The following PTPRD variants were observed in gnomAD, a reference collection of about 807,000 sequenced individuals.
PTPRD encodes protein tyrosine phosphatase receptor type D.
PTPRD carries 34 observed loss-of-function variants against 214.5 expected under a neutral mutation model. That is an observed-to-expected ratio of 0.16 (90% confidence interval 0.12 to 0.21). PTPRD has a LOEUF of 0.21. Ranked by LOEUF, PTPRD falls within the 10% of genes least tolerant of loss-of-function variation. The pLI, the probability that PTPRD is intolerant of heterozygous loss-of-function variation, is 1.00. For missense variants in PTPRD, 2,545 were observed against 2,398.7 expected, an observed-to-expected ratio of 1.06 and a Z score of -1.27; for synonymous variants, 1,128 against 845.7, an observed-to-expected ratio of 1.33 and a Z score of -5.79.
chr9:10,539,914 CATT>C (rs1200014561), intron 2 of PTPRD, among the ~76,000 whole-genome samples: 5 of 152,172 alleles, frequency 3.3e-5, no homozygotes, highest in African/African-American at 4.8e-5. Flanking sequence ...CAACAACAAT[CATT>C]ATTATCATTG....
At chr9:8,379,900 G>C (rs1482599422) in intron 37 of PTPRD, among the ~76,000 whole-genome samples, 2 of 152,090 alleles carry the variant, frequency 1.3e-5, no homozygotes, top group Non-Finnish European at 2.9e-5. Context: ...TTGTTTCTCT[G>C]TTTCCAGGAC....
chr9:8,528,536 A>C, intron 15 of PTPRD, 55 bp downstream of exon 15: 1 of 1,469,796 alleles, frequency 6.8e-7, no homozygotes. Context: ...AGGAGAGAGA[A>C]AAATTAAAAA....
intron 12 of PTPRD, among the ~76,000 whole-genome samples, chr9:8,716,946 G>C (rs914013737): frequency 3.9e-5 from 6 of 152,194 alleles, no homozygotes; most frequent in Non-Finnish European, 7.4e-5. Context: ...GGAGCAAATA[G>C]CTTAAGCCCA....
chr9:10,035,561 T>A (rs1023816788), intron 3 of PTPRD, among the ~76,000 whole-genome samples: 1 of 152,064 alleles, frequency 6.6e-6, no homozygotes, highest in Non-Finnish European at 1.5e-5. Context: ...TTTTTTATAG[T>A]TTTAGGTTTT....
chr9:10,158,152 G>A (rs1262838405), intron 3 of PTPRD, among the ~76,000 whole-genome samples: 1 of 151,858 alleles, frequency 6.6e-6, no homozygotes, highest in Non-Finnish European at 1.5e-5. Flanking sequence ...GGGATTACAG[G>A]TGCCCCCACC....
intron 10 of PTPRD, among the ~76,000 whole-genome samples, chr9:9,167,190 C>T (rs1178782576): frequency 3.3e-5 from 5 of 151,316 alleles, no homozygotes; most frequent in African/African-American, 9.7e-5. Flanking sequence ...TTTAAATGCC[C>T]GTCATCCCTA....
At chr9:9,041,719 C>A (rs1027835641) in intron 10 of PTPRD, among the ~76,000 whole-genome samples, 13 of 152,140 alleles carry the variant, frequency 8.5e-5, no homozygotes, top group Admixed American at 4.6e-4. Flanking sequence ...CACTGGAAGG[C>A]ATCTCTAAAA....
chr9:10,512,232 A>G (rs1161081117), intron 2 of PTPRD, among the ~76,000 whole-genome samples: 1 of 151,854 alleles, frequency 6.6e-6, no homozygotes, highest in African/African-American at 2.4e-5. Flanking sequence ...AAAGGATGTC[A>G]AGACAAATTA....
intron 10 of PTPRD, among the ~76,000 whole-genome samples, chr9:9,154,635 T>C (rs1275390651): frequency 1.3e-5 from 2 of 152,198 alleles, no homozygotes; most frequent in Non-Finnish European, 2.9e-5. Context: ...CGATAGTAGT[T>C]ATAAAACATT....
Position 8,969,108 on chromosome 9 carries a change from C to T in PTPRD, c.-104+49589G>A, listed in dbSNP as rs541687889. ...ACTCCTCCTCCTCATCCCATTCCTC[C>T]CTCTAAAACCATTTATAATGAAATG... On this transcript the variant is annotated intron_variant, in intron 11 of 45. Coordinates refer to ENST00000381196, the MANE Select transcript of PTPRD (RefSeq NM_002839.4). Among the ~76,000 whole-genome samples the T allele has an allele frequency of 2.3e-4, 35 of 152,158 alleles. No individual in the cohort carries two copies. In the South Asian group the frequency reaches 6.2e-3, roughly 27 times the overall value.
intron 3 of PTPRD, among the ~76,000 whole-genome samples, chr9:10,182,928 C>T (rs1041942640): frequency 7.9e-5 from 12 of 152,264 alleles, no homozygotes; most frequent in African/African-American, 2.6e-4. Context: ...CAGAAACAGG[C>T]TCTCAACCAA....
At chr9:8,863,656 T>A (rs541999012) in intron 11 of PTPRD, among the ~76,000 whole-genome samples, 1 of 152,302 alleles carries the variant, frequency 6.6e-6, no homozygotes, top group African/African-American at 2.4e-5. Flanking sequence ...AGGCCACCTA[T>A]CTTTACATTT....
chr9:9,910,803 T>C (rs1046784292), intron 5 of PTPRD, among the ~76,000 whole-genome samples: 2 of 152,026 alleles, frequency 1.3e-5, no homozygotes, highest in East Asian at 1.9e-4. Flanking sequence ...TGTGAAGTCA[T>C]GAGACTCCTA....
At chr9:8,932,391 T>C (rs1422882202) in intron 11 of PTPRD, among the ~76,000 whole-genome samples, 1 of 152,170 alleles carries the variant, frequency 6.6e-6, no homozygotes, top group East Asian at 1.9e-4. Context: ...ACAATATCTT[T>C]GTTTCTGCCT....
rs1436531732 is a variant in PTPRD at position 8,331,726 on chromosome 9, G to T, written c.5390C>A (p.Ser1797Tyr). 2 of 1,600,100 alleles carry T rather than the reference G, an allele frequency of 1.2e-6. No homozygotes were observed. The highest frequency in any genetic ancestry group is 2.3e-5 in the East Asian group (1 of 44,394). Reference protein sequence around the residue: ...FKVTDARDGQSRTVRQFQFTD... With the variant: ...FKVTDARDGQYRTVRQFQFTD... ...GAACTGGAACTGCCTTACTGTTCGG[G>T]ACTGGCCGTCCTTTAGAAGGAAAGC... The change falls in exon 44 of 46, where the codon TCC (serine) becomes TAC (tyrosine). Residue 1797 changes from serine (S) to tyrosine (Y), a missense_variant. By Grantham distance (144) the Ser-to-Tyr change is moderately radical. Transcript: ENST00000381196.
intron 4 of PTPRD, among the ~76,000 whole-genome samples, chr9:9,998,653 T>A (rs2096232515): frequency 6.6e-6 from 1 of 152,030 alleles, no homozygotes; most frequent in African/African-American, 2.4e-5. Context: ...CTAGGGGAGC[T>A]CTAAGCTAAC....
At chr9:8,803,298 G>A (rs1410279112) in intron 11 of PTPRD, among the ~76,000 whole-genome samples, 2 of 152,018 alleles carry the variant, frequency 1.3e-5, no homozygotes, top group African/African-American at 4.8e-5. Context: ...GAATAATAAT[G>A]TATACCATAA....
chr9:10,123,734 A>T (rs1026010269), intron 3 of PTPRD, among the ~76,000 whole-genome samples: 12 of 152,338 alleles, frequency 7.9e-5, no homozygotes, highest in Admixed American at 6.5e-5. Flanking sequence ...AATAGTGAAT[A>T]CGTCTTTCCC....
intron 11 of PTPRD, among the ~76,000 whole-genome samples, chr9:8,942,795 T>C (rs1006385620): frequency 3.3e-5 from 5 of 152,148 alleles, no homozygotes; most frequent in Admixed American, 6.6e-5. Flanking sequence ...AAATAATTCC[T>C]CAGTCACAAT....
Sources: allele counts gnomAD v4.1 joint callset (sites outside exome capture counted in the v4.1 genomes callset), GRCh38; gene constraint gnomAD v4.1.1; transcripts MANE v1.5; gene names NCBI Gene and HGNC (gene_info 2026-07-23, HGNC 2026-07-21).